Variants in ANO6 observed in about 807,000 individuals in gnomAD.
ANO6 encodes the protein anoctamin 6, also known as anoctamin-6.
In ANO6, 106 loss-of-function variants were observed where a neutral mutation model predicts 117.5. That is an observed-to-expected ratio of 0.90 (90% CI 0.77 to 1.06). The LOEUF (loss-of-function observed/expected upper bound fraction) is 1.06, where lower values mean the gene tolerates loss of function less well. Among genes scored for constraint, ANO6 ranks in the 50% least tolerant of loss-of-function variants. ANO6 has a pLI of 0.00. For synonymous variants in ANO6, 367 were observed against 385.1 expected, an observed-to-expected ratio of 0.95 and a Z score of 0.55; for missense variants, 955 against 1,121.1, an observed-to-expected ratio of 0.85 and a Z score of 2.12.
At chr12:45,377,298 G>T (rs12313889) in intron 9 of ANO6, among the ~76,000 whole-genome samples, 11 of 152,000 alleles carry the variant, frequency 7.2e-5, no homozygotes, top group African/African-American at 2.7e-4. Context: ...AATTAGTAAC[G>T]AATTAAAATA....
intron 15 of ANO6, among the ~76,000 whole-genome samples, chr12:45,404,637 C>T (rs1942884121): frequency 6.6e-6 from 1 of 152,064 alleles, no homozygotes; most frequent in Non-Finnish European, 1.5e-5. Flanking sequence ...GTGTTTGTGA[C>T]TATCTTCTGT....
At chr12:45,340,195 T>A (rs2137426497) in intron 3 of ANO6, among the ~76,000 whole-genome samples, 1 of 152,250 alleles carries the variant, frequency 6.6e-6, no homozygotes, top group South Asian at 2.1e-4. Context: ...CTTTGTGATT[T>A]TGATTGCTTT....
At chr12:45,424,334 T>G (rs891669777) in intron 19 of ANO6, among the ~76,000 whole-genome samples, 16 of 121,758 alleles carry the variant, frequency 1.3e-4, no homozygotes, top group African/African-American at 4.6e-4. Flanking sequence ...TGGGTTTTTT[T>G]TTTTTTTTTT....
Position 45,347,335 on chromosome 12 carries a change from C to CT in ANO6, c.345+251dup, listed in dbSNP as rs1278169370. On this transcript the variant is annotated intron_variant, in intron 4 of 19. Transcript: ENST00000320560. ...GCATGTATGAATGATTATTTTCTTT[C>CT]TTTAAGAAACTTCTAAAAGCTTTTT... 6 of 438,232 alleles carry CT rather than the reference C, an allele frequency of 1.4e-5. No homozygotes were observed. In the East Asian group the frequency reaches 2.0e-4, roughly 15 times the overall value. The allele number at this position is 438,232 out of a possible 1,614,324, so 27.1% of individuals were successfully genotyped here.
At chr12:45,352,604 AC>A (rs1941308610) in intron 7 of ANO6, among the ~76,000 whole-genome samples, 1 of 147,436 alleles carries the variant, frequency 6.8e-6, no homozygotes, top group Non-Finnish European at 1.5e-5. Flanking sequence ...TGGCTCTCAC[AC>A]CTGTAGTCCC....
intron 1 of ANO6, among the ~76,000 whole-genome samples, chr12:45,294,833 A>G (rs1939233874): frequency 6.6e-6 from 1 of 152,268 alleles, no homozygotes; most frequent in African/African-American, 2.4e-5. Flanking sequence ...AATGAAGGAC[A>G]GGGATTGTCA....
intron 2 of ANO6, among the ~76,000 whole-genome samples, chr12:45,306,756 A>G (rs971012657): frequency 6.6e-6 from 1 of 151,986 alleles, no homozygotes; most frequent in African/African-American, 2.4e-5. Context: ...TGAAGCTAAC[A>G]TTTTGATGGG....
chr12:45,261,711 T>C (rs181249683), intron 1 of ANO6, among the ~76,000 whole-genome samples: 88 of 152,358 alleles, frequency 5.8e-4, no homozygotes, highest in African/African-American at 1.9e-3. Flanking sequence ...TCATCACAGG[T>C]TCTGAAAGTC....
intron 16 of ANO6, among the ~76,000 whole-genome samples, chr12:45,410,080 A>AT (rs1280501073): frequency 4.6e-5 from 7 of 152,236 alleles, no homozygotes; most frequent in Admixed American, 2.6e-4. Context: ...TTCTTAAAGC[A>AT]TTCTAATCAT....
chr12:45,319,293 A>C (rs1482832887), intron 2 of ANO6, among the ~76,000 whole-genome samples: 1 of 152,206 alleles, frequency 6.6e-6, no homozygotes, highest in African/African-American at 2.4e-5. Context: ...ACATTCCATC[A>C]ATACCTAGTT....
intron 13 of ANO6, 152 bp downstream of exon 13, chr12:45,402,172 A>G: frequency 1.5e-6 from 1 of 666,414 alleles, no homozygotes; most frequent in Non-Finnish European, 2.5e-6. Flanking sequence ...ATGTATGGAA[A>G]TAAATTATCT....
rs1940326925 is a variant in ANO6, at chr12:45,322,842, T to C, written c.151-8453T>C. 2.0e-5 allele frequency among the ~76,000 whole-genome samples: 3 copies of C among 152,270 alleles called. No homozygotes were observed. In the South Asian group the frequency reaches 6.2e-4, roughly 32 times the overall value. Reference sequence around the variant, plus strand: ...GTCTATTAGGGAAATGTAAAAAAAATTGGGTGCTTTTATATATGGTCCCAC... The same window carrying C: ...GTCTATTAGGGAAATGTAAAAAAAACTGGGTGCTTTTATATATGGTCCCAC... On this transcript the variant is annotated intron_variant, in intron 2 of 19. Coordinates refer to ENST00000320560, the MANE Select transcript of ANO6 (RefSeq NM_001025356.3).
At chr12:45,350,304 C>T (rs866852424) in intron 6 of ANO6, among the ~76,000 whole-genome samples, 2 of 152,236 alleles carry the variant, frequency 1.3e-5, no homozygotes, top group South Asian at 2.1e-4. Flanking sequence ...TGGGTTATCA[C>T]GTGTTCCTCT....
intron 2 of ANO6, among the ~76,000 whole-genome samples, chr12:45,327,724 A>G (rs930105262): frequency 1.3e-5 from 2 of 152,130 alleles, no homozygotes; most frequent in East Asian, 3.9e-4. Flanking sequence ...TGTACTCCAA[A>G]ATTTTAAGAA....
rs558445138 is a variant in ANO6, at chr12:45,324,122, A to C, written c.151-7173A>C. The stretch of plus-strand genomic sequence containing the variant: ...CTGGCTAATTTTGTATTTTTAGTAG[A>C]GACGGAGTTTCTCCATGTTGAGGCT... On this transcript the variant is annotated intron_variant, in intron 2 of 19. Coordinates refer to ENST00000320560, the MANE Select transcript of ANO6 (RefSeq NM_001025356.3). Among the ~76,000 whole-genome samples, 17 of 151,986 alleles carry C rather than the reference A, an allele frequency of 1.1e-4. No individual in the cohort carries two copies. In the South Asian group the frequency reaches 3.5e-3, roughly 32 times the overall value.
chr12:45,328,114 A>G (rs1455066999), intron 2 of ANO6, among the ~76,000 whole-genome samples: 2 of 152,040 alleles, frequency 1.3e-5, no homozygotes, highest in Non-Finnish European at 2.9e-5. Context: ...TTCAGGATGC[A>G]TTTTCATCCT....
At chr12:45,350,573 C>G in intron 6 of ANO6, 86 bp from the exon 7 acceptor site, 1 of 1,043,770 alleles carries the variant, frequency 9.6e-7, no homozygotes, top group Non-Finnish European at 1.5e-6. Context: ...TCACAATTGA[C>G]TATCAAGTAT....
At chr12:45,272,689 C>A (rs527261685) in intron 1 of ANO6, among the ~76,000 whole-genome samples, 6 of 152,176 alleles carry the variant, frequency 3.9e-5, no homozygotes, top group African/African-American at 1.2e-4. Context: ...AAAAGGGAAT[C>A]CTTGTAAACC....
chr12:45,335,877 C>CT (rs1940809524), intron 3 of ANO6, among the ~76,000 whole-genome samples: 1 of 151,958 alleles, frequency 6.6e-6, no homozygotes, highest in Admixed American at 6.6e-5. Flanking sequence ...TTGATAAGCT[C>CT]TTTTTAGTTT....
Sources: gnomAD v4.1 joint callset for allele counts (sites outside exome capture counted in the v4.1 genomes callset) on GRCh38, gnomAD v4.1.1 for gene constraint, MANE v1.5 for transcripts, NCBI Gene and HGNC (gene_info 2026-07-23, HGNC 2026-07-21) for gene names.